The following MGAT5 variants were observed in gnomAD, a reference collection of about 807,000 sequenced individuals.
MGAT5 encodes the protein alpha-1,6-mannosylglycoprotein 6-beta-N-acetylglucosaminyltransferase.
A neutral mutation model predicts 94.3 loss-of-function variants in MGAT5; 30 were observed. The observed-to-expected ratio is 0.32, with a 90% CI of 0.24 to 0.43. The LOEUF (loss-of-function observed/expected upper bound fraction) is 0.43. Among genes scored for constraint, MGAT5 ranks in the 20% least tolerant of loss-of-function variants. MGAT5 has a pLI of 1.00. For missense variants in MGAT5, 691 were observed against 905.5 expected (o/e 0.76, Z 3.04); for synonymous variants, 310 against 322.9 (o/e 0.96, Z 0.43).
chr2:134,158,737 C>T (rs1402123443), intron 1 of MGAT5, among the ~76,000 whole-genome samples: 1 of 152,228 alleles, frequency 6.6e-6, no homozygotes, highest in Non-Finnish European at 1.5e-5. Flanking sequence ...GCTACAGCAG[C>T]GGCTGCTCCA....
chr2:134,400,267 T>C lies in MGAT5; in HGVS notation c.1381-2721T>C, dbSNP rs143302524. 9.2e-5 allele frequency among the ~76,000 whole-genome samples: 14 copies of C among 152,312 alleles called. No individual in the cohort carries two copies. In the East Asian group the frequency reaches 2.5e-3, roughly 27 times the overall value. ...GCACCAGGATTCTACTCAGAACTCTTACAAGTGGTAACAAGAGACCTGAGG... is the reference window on the plus strand; with the variant it reads ...GCACCAGGATTCTACTCAGAACTCTCACAAGTGGTAACAAGAGACCTGAGG... On this transcript the variant is annotated intron_variant, in intron 10 of 15. Coordinates refer to ENST00000281923, the MANE Select transcript of MGAT5 (RefSeq NM_002410.5).
At chr2:134,425,377 G>GT (rs1234568044) in intron 13 of MGAT5, among the ~76,000 whole-genome samples, 1 of 151,602 alleles carries the variant, frequency 6.6e-6, no homozygotes, top group African/African-American at 2.4e-5. Flanking sequence ...TTTTGTTTTT[G>GT]TTTTGTTTTG....
chr2:134,274,713 T>A (rs984227853), intron 2 of MGAT5, among the ~76,000 whole-genome samples: 1 of 152,230 alleles, frequency 6.6e-6, no homozygotes, highest in Non-Finnish European at 1.5e-5. Context: ...TTGTGATGAC[T>A]TAATAATTGC....
intron 4 of MGAT5, among the ~76,000 whole-genome samples, chr2:134,325,749 T>C (rs1394753528): frequency 6.6e-6 from 1 of 152,112 alleles, no homozygotes; most frequent in African/African-American, 2.4e-5. Flanking sequence ...ATTGTTGATG[T>C]CTCCTAAATC....
At chr2:134,364,095 C>T (rs1234170824) in intron 10 of MGAT5, among the ~76,000 whole-genome samples, 1 of 152,160 alleles carries the variant, frequency 6.6e-6, no homozygotes, top group Non-Finnish European at 1.5e-5. Flanking sequence ...TCTCTGGCAA[C>T]TTTTTCCCTT....
intron 10 of MGAT5, among the ~76,000 whole-genome samples, chr2:134,386,048 T>G (rs1019887353): frequency 2.0e-5 from 3 of 152,176 alleles, no homozygotes; most frequent in African/African-American, 7.2e-5. Flanking sequence ...CAGTAAGCAC[T>G]GGGGACATTT....
Position 134,142,602 on chromosome 2 carries a change from A to G in MGAT5, c.-143+22311A>G, listed in dbSNP as rs141626881. Among the ~76,000 whole-genome samples the G allele has an allele frequency of 5.4e-3, 826 of 152,344 alleles. 4 individuals are homozygous for G. Among genetic ancestry groups the G allele is most frequent in the African/African-American group, 0.019 (779 of 41,576 alleles). ...AATTATCTGAGGTCACATGCTTCAC[A>G]TGACCAAAGGGCACTGGGGAGCCAA... On this transcript the variant is annotated intron_variant, in intron 1 of 16. Transcript: ENST00000409645.
At chr2:134,223,005 A>G in intron 1 of MGAT5, among the ~76,000 whole-genome samples, 1 of 152,108 alleles carries the variant, frequency 6.6e-6, no homozygotes, top group East Asian at 1.9e-4. Context: ...TTATATATCT[A>G]TATCTATATT....
At position 134,198,004 on chromosome 2, in the gene MGAT5, C is replaced by G. The variant is rs564668048; in HGVS notation, c.-142-56258C>G. Among the ~76,000 whole-genome samples, 116 of 152,278 alleles carry G rather than the reference C, an allele frequency of 7.6e-4. 1 individual carries two copies. Among genetic ancestry groups the G allele is most frequent in the African/African-American group, 2.6e-3 (109 of 41,546 alleles). On this transcript the variant is annotated intron_variant, in intron 1 of 16. Transcript: ENST00000409645. ...CTGTAGTGAGATACTCTGCAAAATT[C>G]CTGCTCCTATGGAAGAAAGGGAGAA...
At chr2:134,277,810 G>A (rs1175622264) in intron 2 of MGAT5, among the ~76,000 whole-genome samples, 5 of 152,196 alleles carry the variant, frequency 3.3e-5, no homozygotes, top group Admixed American at 1.3e-4. Flanking sequence ...TGTGTATAGT[G>A]CTTTATAGAT....
chr2:134,135,241 A>G (rs1351890917), intron 1 of MGAT5, among the ~76,000 whole-genome samples: 1 of 152,210 alleles, frequency 6.6e-6, no homozygotes, highest in East Asian at 1.9e-4. Context: ...TTTGGTTCAG[A>G]TAGTAAAGAG....
chr2:134,279,152 A>G (rs1019419391), intron 2 of MGAT5, among the ~76,000 whole-genome samples: 9 of 152,198 alleles, frequency 5.9e-5, no homozygotes, highest in African/African-American at 2.2e-4. Context: ...CCGGTCAGGC[A>G]CTGTGTCCTA....
intron 10 of MGAT5, among the ~76,000 whole-genome samples, chr2:134,365,972 G>A (rs1011207841): frequency 1.6e-4 from 24 of 152,226 alleles, no homozygotes; most frequent in Middle Eastern, 3.4e-3. Context: ...GGTTGAGGTG[G>A]GGAGGGGAAT....
At chr2:134,423,249 G>C (rs1034349935) in intron 13 of MGAT5, among the ~76,000 whole-genome samples, 1 of 152,198 alleles carries the variant, frequency 6.6e-6, no homozygotes, top group African/African-American at 2.4e-5. Flanking sequence ...AGATAGCCCT[G>C]CTTCCTCTAC....
intron 9 of MGAT5, among the ~76,000 whole-genome samples, chr2:134,357,702 C>A (rs1679831679): frequency 6.6e-6 from 1 of 152,128 alleles, no homozygotes; most frequent in African/African-American, 2.4e-5. Flanking sequence ...AGGAGTGTTA[C>A]TCTTCTAAGG....
chr2:134,398,045 A>G (rs1179155677), intron 10 of MGAT5, among the ~76,000 whole-genome samples: 4 of 152,180 alleles, frequency 2.6e-5, no homozygotes, highest in African/African-American at 9.7e-5. Context: ...ATTTGTGGGG[A>G]AAGAGGAGGA....
upstream of MGAT5, among the ~76,000 whole-genome samples, chr2:134,252,421 TGG>T (rs1682663252): frequency 1.3e-5 from 2 of 152,124 alleles, no homozygotes; most frequent in Non-Finnish European, 2.9e-5. Context: ...ATAGGCATTG[TGG>T]TGGGTGTTGA....
intron 1 of MGAT5, among the ~76,000 whole-genome samples, chr2:134,151,331 G>T (rs1262614290): frequency 6.0e-5 from 8 of 133,292 alleles, no homozygotes; most frequent in African/African-American, 2.3e-4. Flanking sequence ...CCCATGCCCT[G>T]TGGGACCCAC....
intron 1 of MGAT5, among the ~76,000 whole-genome samples, chr2:134,168,277 G>C (rs367788507): frequency 3.3e-5 from 5 of 152,282 alleles, no homozygotes; most frequent in Admixed American, 2.6e-4. Flanking sequence ...ACAAAAAGAT[G>C]GGGGGTTGGA....
Sources: allele counts gnomAD v4.1 joint callset (sites outside exome capture counted in the v4.1 genomes callset), GRCh38; gene constraint gnomAD v4.1.1; transcripts MANE v1.5; gene names NCBI Gene and HGNC (gene_info 2026-07-23, HGNC 2026-07-21).